NRXN1: variants seen among roughly 807,000 people sequenced by gnomAD.
NRXN1 encodes the protein neurexin 1.
NRXN1 carries 39 observed loss-of-function variants against 150.9 expected under a neutral mutation model. The observed-to-expected ratio is 0.26, with a 90% CI of 0.20 to 0.34. NRXN1 has a LOEUF of 0.34. Ranked by LOEUF, NRXN1 falls within the 10% of genes least tolerant of loss-of-function variation. NRXN1 has a pLI of 1.00. For synonymous variants in NRXN1, 924 were observed against 757.0 expected, an observed-to-expected ratio of 1.22 and a Z score of -3.62; for missense variants, 1,815 against 1,949.9, an observed-to-expected ratio of 0.93 and a Z score of 1.30.
intron 18 of NRXN1, among the ~76,000 whole-genome samples, chr2:50,168,113 A>T (rs2059797934): frequency 1.3e-5 from 2 of 152,064 alleles, no homozygotes; most frequent in South Asian, 4.2e-4. Flanking sequence ...AATAAGAAGG[A>T]TGTGTCTCTG....
chr2:50,636,356 A>G (rs1038604198), intron 5 of NRXN1, among the ~76,000 whole-genome samples: 6 of 152,058 alleles, frequency 3.9e-5, no homozygotes, highest in Non-Finnish European at 8.8e-5. Flanking sequence ...TTACCACCCT[A>G]CTTAGCCTCA....
At chr2:50,511,253 T>C (rs1267597018) in intron 12 of NRXN1, among the ~76,000 whole-genome samples, 2 of 152,006 alleles carry the variant, frequency 1.3e-5, no homozygotes, top group Non-Finnish European at 2.9e-5. Context: ...AGACATGGAG[T>C]TTCACCATGT....
intron 19 of NRXN1, among the ~76,000 whole-genome samples, chr2:50,069,629 G>T (rs1436099494): frequency 6.6e-6 from 1 of 152,118 alleles, no homozygotes; most frequent in Non-Finnish European, 1.5e-5. Flanking sequence ...GTTGGCATCT[G>T]TGGAGATCTT....
chr2:50,533,407 T>A (rs1344455081), intron 10 of NRXN1, among the ~76,000 whole-genome samples: 1 of 152,210 alleles, frequency 6.6e-6, no homozygotes, highest in African/African-American at 2.4e-5. Context: ...AACATGCTCC[T>A]TCTTCAGTCT....
chr2:50,131,372 T>A (rs1276127576), intron 18 of NRXN1, among the ~76,000 whole-genome samples: 1 of 152,100 alleles, frequency 6.6e-6, no homozygotes, highest in Non-Finnish European at 1.5e-5. Context: ...TGAATTAGAG[T>A]TTTCTTTGGT....
chr2:49,959,594 G>A (rs1447253001), intron 21 of NRXN1, among the ~76,000 whole-genome samples: 1 of 152,156 alleles, frequency 6.6e-6, no homozygotes, highest in Non-Finnish European at 1.5e-5. Flanking sequence ...TTTAAATCTG[G>A]ACTGTACTAT....
intron 9 of NRXN1, among the ~76,000 whole-genome samples, chr2:50,546,111 T>A (rs559444981): frequency 9.2e-5 from 14 of 152,230 alleles, no homozygotes; most frequent in African/African-American, 3.4e-4. Context: ...ATTTTCTCCC[T>A]CCACTCTAAT....
At chr2:50,544,620 A>C (rs576212929) in intron 9 of NRXN1, among the ~76,000 whole-genome samples, 1 of 152,230 alleles carries the variant, frequency 6.6e-6, no homozygotes, top group South Asian at 2.1e-4. Flanking sequence ...GGCAAGAATA[A>C]GGGGGAAAGG....
intron 8 of NRXN1, among the ~76,000 whole-genome samples, chr2:50,600,276 C>CA (rs564457896): frequency 1.2e-3 from 149 of 127,982 alleles, no homozygotes; most frequent in South Asian, 0.01. Flanking sequence ...TGAAAATAAA[C>CA]AAAAAAAAAT....
chr2:50,016,470 A>T (rs938600335), intron 21 of NRXN1: 3 of 152,220 alleles, frequency 2.0e-5, no homozygotes, highest in African/African-American at 7.2e-5. Flanking sequence ...TGGGCAACTT[A>T]TAAAGGAAAG....
intron 2 of NRXN1, among the ~76,000 whole-genome samples, chr2:51,019,565 C>T (rs1669274155): frequency 6.6e-6 from 1 of 151,956 alleles, no homozygotes; most frequent in Non-Finnish European, 1.5e-5. Flanking sequence ...TTAGAAAATA[C>T]TATGAGAGTT....
chr2:50,593,932 T>C (rs2103846143), intron 8 of NRXN1, among the ~76,000 whole-genome samples: 1 of 152,308 alleles, frequency 6.6e-6, no homozygotes, highest in East Asian at 1.9e-4. Flanking sequence ...AGGTAAAAAT[T>C]GTAAAAAAGA....
chr2:50,086,370 C>T (rs2152690838), intron 19 of NRXN1, among the ~76,000 whole-genome samples: 1 of 152,190 alleles, frequency 6.6e-6, no homozygotes, highest in East Asian at 1.9e-4. Context: ...TACCAGATTT[C>T]ATGGATGAAA....
intron 2 of NRXN1, among the ~76,000 whole-genome samples, chr2:50,938,743 A>G (rs748190923): frequency 6.6e-6 from 1 of 152,168 alleles, no homozygotes; most frequent in Non-Finnish European, 1.5e-5. Context: ...AAAGTCAATA[A>G]ACATGAGGAA....
chr2:50,665,993 A>C (rs1172046359), intron 5 of NRXN1, among the ~76,000 whole-genome samples: 8 of 152,042 alleles, frequency 5.3e-5, no homozygotes, highest in African/African-American at 1.7e-4. Flanking sequence ...AAATAATCAA[A>C]GGTAACAAGC....
At chr2:50,443,066 T>A (rs2086102113) in intron 17 of NRXN1, among the ~76,000 whole-genome samples, 1 of 152,132 alleles carries the variant, frequency 6.6e-6, no homozygotes, top group Admixed American at 6.6e-5. Flanking sequence ...GTTTTATTCA[T>A]AATTGAAAAC....
chr2:50,807,397 C>T (rs1174899504), intron 5 of NRXN1, among the ~76,000 whole-genome samples: 1 of 152,050 alleles, frequency 6.6e-6, no homozygotes, highest in Non-Finnish European at 1.5e-5. Flanking sequence ...TCTATCTCAC[C>T]CCAAAAGAGA....
chr2:50,626,557 T>G (rs1425044598), intron 5 of NRXN1, among the ~76,000 whole-genome samples: 1 of 151,936 alleles, frequency 6.6e-6, no homozygotes, highest in African/African-American at 2.4e-5. Context: ...ACTGGGACAA[T>G]CAGTTATTCA....
intron 8 of NRXN1, among the ~76,000 whole-genome samples, chr2:50,600,019 G>A (rs957311871): frequency 6.6e-6 from 1 of 152,034 alleles, no homozygotes; most frequent in Non-Finnish European, 1.5e-5. Context: ...AAACTACCCA[G>A]AGTTCTAGAT....
Sources: allele counts gnomAD v4.1 joint callset (sites outside exome capture counted in the v4.1 genomes callset), GRCh38; gene constraint gnomAD v4.1.1; transcripts MANE v1.5; gene names NCBI Gene and HGNC (gene_info 2026-07-23, HGNC 2026-07-21).